Variants in ASB18 observed in about 807,000 individuals in gnomAD.
ASB18 encodes ankyrin repeat and SOCS box protein 18.
In ASB18, 33 loss-of-function variants were observed where a neutral mutation model predicts 33.4. That is an observed-to-expected ratio of 0.99 (90% CI 0.75 to 1.32). The LOEUF (loss-of-function observed/expected upper bound fraction) is 1.32. Among genes scored for constraint, ASB18 ranks in the 40% most tolerant of loss-of-function variants. The probability of loss-of-function intolerance (pLI) is 0.00; values close to 1 mark genes in which losing one functional copy is unlikely to be tolerated. For synonymous variants in ASB18, 295 were observed against 307.6 expected (o/e 0.96, Z 0.43); for missense variants, 694 against 655.5 (o/e 1.06, Z -0.64).
rs2060614523 is a variant in ASB18 at position 236,239,982 on chromosome 2, C to T, written c.328+1298G>A. ...CGTTTCCTCAGTACCAGCCCACATC[C>T]CTTTGCTGTGGGCGTGCTCCAGTAT... On this transcript the variant is annotated intron_variant, in intron 2 of 5. Transcript: ENST00000409749. This position sits in a 1 kb window ranked among gnomAD's most constrained non-coding sequence, Gnocchi z 5.6. Among the ~76,000 whole-genome samples the T allele has an allele frequency of 6.6e-6, 1 of 152,212 alleles. No homozygotes were observed. The highest frequency in any genetic ancestry group is 2.1e-4 in the South Asian group (1 of 4,836).
chr2:236,211,135 G>A lies in ASB18; in HGVS notation c.1101+3227C>T, dbSNP rs1436909086. Among the ~76,000 whole-genome samples, 1 of 152,194 alleles carries A rather than the reference G, an allele frequency of 6.6e-6. No individual in the cohort carries two copies. Among genetic ancestry groups the A allele is most frequent in the Non-Finnish European group, 1.5e-5 (1 of 68,036 alleles). On this transcript the variant is annotated intron_variant, in intron 4 of 5. Coordinates refer to ENST00000409749, the MANE Select transcript of ASB18 (RefSeq NM_212556.4). This position sits in a 1 kb window ranked among gnomAD's most constrained non-coding sequence, Gnocchi z 5.0. ...GTCACCTGTGGCAGATGCCAAACAA[G>A]TTCAGGTCCACGTCTGTGTGTGCTT...
At position 236,220,609 on chromosome 2, in the gene ASB18, T is replaced by C. The variant is rs1048169778; in HGVS notation, c.597-5743A>G. 2.0e-5 allele frequency among the ~76,000 whole-genome samples: 3 copies of C among 151,912 alleles called. No homozygotes were observed. Among genetic ancestry groups the C allele is most frequent in the Non-Finnish European group, 4.4e-5 (3 of 67,982 alleles). ...TTTAGTCCCTGAAACAACTTTGCAT[T>C]GTAGGTGGAATTTACAGTTGGGGAA... On this transcript the variant is annotated intron_variant, in intron 3 of 5. Coordinates refer to ENST00000409749, the MANE Select transcript of ASB18 (RefSeq NM_212556.4). This position sits in a 1 kb window ranked among gnomAD's most constrained non-coding sequence, Gnocchi z 5.1.
Position 236,259,576 on chromosome 2 carries a change from G to A in ASB18, c.205+4565C>T, listed in dbSNP as rs1461249949. The stretch of plus-strand genomic sequence containing the variant: ...AGTGGACGTGACCTCCCCTGCATGG[G>A]GTCGGAAGGATGAGATGGCAAAGGT... On this transcript the variant is annotated intron_variant, in intron 1 of 5. Coordinates refer to ENST00000409749, the MANE Select transcript of ASB18 (RefSeq NM_212556.4). The surrounding 1 kb of genome is among the most constrained non-coding windows in gnomAD (Gnocchi z 4.4). 1 of 471,072 alleles carries A rather than the reference G, an allele frequency of 2.1e-6. No homozygotes were observed. The highest frequency in any genetic ancestry group is 4.4e-6 in the Non-Finnish European group (1 of 227,030). The allele number at this position is 471,072 out of a possible 1,614,324, so 29.2% of individuals were successfully genotyped here. A position where few individuals can be genotyped will look rare whatever the true frequency, so the allele number is the denominator to read the frequency against.
rs1365920223 is a variant in ASB18 at position 236,255,462 on chromosome 2, A to G, written c.205+8679T>C. On this transcript the variant is annotated intron_variant, in intron 1 of 5. Transcript: ENST00000409749. This position sits in a 1 kb window ranked among gnomAD's most constrained non-coding sequence, Gnocchi z 4.4. ...CCTGGCCTGGTATTTCTTTATCACA[A>G]TGCGAGAACGGACTAACACAGTGGG... Among the ~76,000 whole-genome samples the G allele has an allele frequency of 2.0e-5, 3 of 152,060 alleles. No individual in the cohort carries two copies. The highest frequency in any genetic ancestry group is 7.2e-5 in the African/African-American group (3 of 41,416).
rs558551455 is a variant in ASB18 at position 236,253,737 on chromosome 2, C to G, written c.205+10404G>C. 1.3e-5 allele frequency: 2 copies of G among 152,058 alleles called. No homozygotes were observed. Among genetic ancestry groups the G allele is most frequent in the African/African-American group, 4.8e-5 (2 of 41,400 alleles). 9.4% of individuals were successfully genotyped at this position (152,058 alleles called of 1,614,324 possible). A position where few individuals can be genotyped will look rare whatever the true frequency, so the allele number is the denominator to read the frequency against. On this transcript the variant is annotated intron_variant, in intron 1 of 5. Coordinates refer to ENST00000409749, the MANE Select transcript of ASB18 (RefSeq NM_212556.4). The surrounding 1 kb of genome is among the most constrained non-coding windows in gnomAD (Gnocchi z 5.4). ...AATTAGTTACCGGCAAAAATAAAAC[C>G]GAAAAACGACAGGTAATTACAAGTC...
At position 236,196,089 on chromosome 2, in the gene ASB18, T is replaced by C. The variant is rs2060371092; in HGVS notation, c.1215+183A>G. On this transcript the variant is annotated intron_variant, in intron 5 of 5. Transcript: ENST00000409749. This position sits in a 1 kb window ranked among gnomAD's most constrained non-coding sequence, Gnocchi z 5.6. ...CACCGCAACTACTATAACAAGCTCCTGGCTGTGTGATTATGGAGCCTCCAG... is the reference window on the plus strand; with the variant it reads ...CACCGCAACTACTATAACAAGCTCCCGGCTGTGTGATTATGGAGCCTCCAG... The C allele has an allele frequency of 4.7e-6, 3 of 636,494 alleles. No individual in the cohort carries two copies. The highest frequency in any genetic ancestry group is 1.8e-5 in the African/African-American group (1 of 54,742). The allele number at this position is 636,494 out of a possible 1,614,324, so 39.4% of individuals were successfully genotyped here.
At chr2:236,254,483 A>AT (rs1485974750) in intron 1 of ASB18, among the ~76,000 whole-genome samples, 3 of 151,552 alleles carry the variant, frequency 2.0e-5, no homozygotes, top group South Asian at 2.1e-4. Flanking sequence ...ATAAAGTTAC[A>AT]TTTTTTACCA....
chr2:236,258,482 C>A (rs933640353), intron 1 of ASB18, among the ~76,000 whole-genome samples: 1 of 152,236 alleles, frequency 6.6e-6, no homozygotes, highest in East Asian at 1.9e-4. Flanking sequence ...CATCTTGGCA[C>A]CATCATCAAT....
chr2:236,257,870 T>G lies in ASB18; in HGVS notation c.205+6271A>C, dbSNP rs561420327. ...TGGAACCCAAGGTGTGTCATGCAAC[T>G]TCTCCAAGCCTCATTTTCCTCAGCT... On this transcript the variant is annotated intron_variant, in intron 1 of 5. Transcript: ENST00000409749. The surrounding 1 kb of genome is among the most constrained non-coding windows in gnomAD (Gnocchi z 5.5). Among the ~76,000 whole-genome samples, 102 of 152,282 alleles carry G rather than the reference T, an allele frequency of 6.7e-4. No individual in the cohort carries two copies. Among genetic ancestry groups the G allele is most frequent in the Non-Finnish European group, 1.2e-3 (81 of 68,014 alleles).
In ASB18 at chr2:236,234,212, G is replaced by A. The variant is rs960821493; in HGVS notation, c.596+3477C>T. On this transcript the variant is annotated intron_variant, in intron 3 of 5. Transcript: ENST00000409749. The surrounding 1 kb of genome is among the most constrained non-coding windows in gnomAD (Gnocchi z 4.1). ...TACTCCTGGGTTGGAAGCTTGTAAG[G>A]AGTTGCTATAAGACCCTTGCCCCCT... Among the ~76,000 whole-genome samples, 1 of 152,144 alleles carries A rather than the reference G, an allele frequency of 6.6e-6. No homozygotes were observed. The highest frequency in any genetic ancestry group is 1.5e-5 in the Non-Finnish European group (1 of 68,030).
At chr2:236,218,472 A>G (rs1199943632) in intron 3 of ASB18, among the ~76,000 whole-genome samples, 1 of 152,252 alleles carries the variant, frequency 6.6e-6, no homozygotes, top group African/African-American at 2.4e-5. Flanking sequence ...CCCATTTTGA[A>G]AAAGCTTAAA....
intron 1 of ASB18, chr2:236,247,307 A>T (rs1478637053): frequency 6.6e-6 from 1 of 151,726 alleles, no homozygotes; most frequent in African/African-American, 2.4e-5. Context: ...AAACCAACTC[A>T]TTCATTCATT....
Position 236,229,379 on chromosome 2 carries a change from G to A in ASB18, c.596+8310C>T, listed in dbSNP as rs2060554889. Among the ~76,000 whole-genome samples, 1 of 152,124 alleles carries A rather than the reference G, an allele frequency of 6.6e-6. No individual in the cohort carries two copies. Among genetic ancestry groups the A allele is most frequent in the East Asian group, 1.9e-4 (1 of 5,198 alleles). On this transcript the variant is annotated intron_variant, in intron 3 of 5. Transcript: ENST00000409749. The surrounding 1 kb of genome is among the most constrained non-coding windows in gnomAD (Gnocchi z 5.2). ...ATGAACAGAGCATCAGTGAACTGTG[G>A]AACAATCTTAAGTGGCATAGTATAT...
chr2:236,201,135 C>T (rs180941823), intron 4 of ASB18, among the ~76,000 whole-genome samples: 11 of 150,832 alleles, frequency 7.3e-5, no homozygotes, highest in Middle Eastern at 3.4e-3. Context: ...TCCTTCCTTC[C>T]CTCCTTCCTT....
chr2:236,207,619 T>TGGAGGGACAACGG (rs1285031872), intron 4 of ASB18, among the ~76,000 whole-genome samples: 2 of 149,368 alleles, frequency 1.3e-5, no homozygotes, highest in African/African-American at 5.0e-5. Context: ...CCGGGAGACG[T>TGGAGGGACAACGG]GGAGGGAGGG....
At position 236,264,046 on chromosome 2, in the gene ASB18, T is replaced by C; in HGVS notation, c.205+95A>G. On this transcript the variant is annotated intron_variant, in intron 1 of 5. Coordinates refer to ENST00000409749, the MANE Select transcript of ASB18 (RefSeq NM_212556.4). This position sits in a 1 kb window ranked among gnomAD's most constrained non-coding sequence, Gnocchi z 5.1. ...TATCCGAGTACATATCATTTACTTT[T>C]TCCAAACATTTGCCCCTCTACCTCC... The C allele has an allele frequency of 2.9e-6, 3 of 1,036,146 alleles. No individual in the cohort carries two copies. The highest frequency in any genetic ancestry group is 4.3e-6 in the Non-Finnish European group (3 of 691,120). 64.2% of individuals were successfully genotyped at this position (1,036,146 alleles called of 1,614,324 possible).
In ASB18 at chr2:236,222,283, A is replaced by C. The variant is rs2060516541; in HGVS notation, c.597-7417T>G. 6.6e-6 allele frequency among the ~76,000 whole-genome samples: 1 copy of C among 152,220 alleles called. No homozygotes were observed. Among genetic ancestry groups the C allele is most frequent in the South Asian group, 2.1e-4 (1 of 4,830 alleles). ...TATCAGACATAAATGTTTACAATTG[A>C]AATGGCTGATGTGAATAGACAAATC... On this transcript the variant is annotated intron_variant, in intron 3 of 5. Transcript: ENST00000409749. This position sits in a 1 kb window ranked among gnomAD's most constrained non-coding sequence, Gnocchi z 5.5.
chr2:236,212,957 T>C (rs1459263477), intron 4 of ASB18, among the ~76,000 whole-genome samples: 1 of 152,188 alleles, frequency 6.6e-6, no homozygotes, highest in Non-Finnish European at 1.5e-5. Context: ...CAGTTGCATA[T>C]GACAAGGGCT....
At position 236,194,770 on chromosome 2, in the gene ASB18, G is replaced by A; in HGVS notation, c.*102C>T. 9.8e-7 allele frequency: 1 copy of A among 1,022,984 alleles called. No homozygotes were observed. The highest frequency in any genetic ancestry group is 1.4e-6 in the Non-Finnish European group (1 of 706,628). 63.4% of individuals were successfully genotyped at this position (1,022,984 alleles called of 1,614,324 possible). A position where few individuals can be genotyped will look rare whatever the true frequency, so the allele number is the denominator to read the frequency against. ...GTCCCACGGAGAGCAAGTGGGAAGG[G>A]AACTCCCATCACCTCCATCTGCATC... is the stretch of plus-strand genomic sequence containing the variant. On this transcript the variant is annotated 3_prime_UTR_variant, in exon 6 of 6. Coordinates refer to ENST00000409749, the MANE Select transcript of ASB18 (RefSeq NM_212556.4). This position sits in a 1 kb window ranked among gnomAD's most constrained non-coding sequence, Gnocchi z 4.5.
Sources: allele counts gnomAD v4.1 joint callset (sites outside exome capture counted in the v4.1 genomes callset), GRCh38; gene constraint gnomAD v4.1.1; non-coding constraint Gnocchi (gnomAD v3.1); transcripts MANE v1.5; gene names NCBI Gene and HGNC (gene_info 2026-07-23, HGNC 2026-07-21).